Variants in ELF5 observed in about 807,000 individuals in gnomAD.
ELF5 encodes the protein ETS-related transcription factor Elf-5.
ELF5 carries 31 observed loss-of-function variants against 38.2 expected under a neutral mutation model. That is an observed-to-expected ratio of 0.81 (90% CI 0.61 to 1.10). The LOEUF is 1.10. Among genes scored for constraint, ELF5 ranks in the 50% least tolerant of loss-of-function variants. The pLI is 0.00. For synonymous variants in ELF5, 121 were observed against 112.5 expected (o/e 1.08, Z -0.48); for missense variants, 300 against 306.6 (o/e 0.98, Z 0.16).
chr11:34,487,477 T>A (rs1417528422), intron 4 of ELF5, among the ~76,000 whole-genome samples: 2 of 152,204 alleles, frequency 1.3e-5, no homozygotes, highest in Non-Finnish European at 2.9e-5. Flanking sequence ...GGCAGGAGCA[T>A]CCTGGCTAGA....
At chr11:34,496,050 C>CCT (rs149542799) in intron 2 of ELF5, among the ~76,000 whole-genome samples, 21,804 of 152,250 alleles carry the variant, frequency 0.14, 1,689 homozygotes, top group Admixed American at 0.21. Context: ...GCTCTGTTCC[C>CCT]GTTTCCCTCC....
Position 34,505,584 on chromosome 11 carries a change from G to A in ELF5, c.121+45C>T, listed in dbSNP as rs191504373. On this transcript the variant is annotated intron_variant, in intron 2 of 6. Transcript: ENST00000257832. ...GCGGCCAGCACCACCTCCTGCCCTAGCCCATCCTGGCTGCACTCAGATGGG... is the reference window on the plus strand; with the variant it reads ...GCGGCCAGCACCACCTCCTGCCCTAACCCATCCTGGCTGCACTCAGATGGG... 2.2e-4 allele frequency: 355 copies of A among 1,610,282 alleles called. 1 individual carries two copies. The African/African-American group carries it at 4.4e-3, about 20-fold the overall frequency.
At chr11:34,494,810 C>A (rs1179445656) in intron 2 of ELF5, among the ~76,000 whole-genome samples, 1 of 152,142 alleles carries the variant, frequency 6.6e-6, no homozygotes, top group Non-Finnish European at 1.5e-5. Flanking sequence ...GCTTTAGTTT[C>A]CTTACTGGTA....
chr11:34,499,883 G>T (rs1378327102), intron 2 of ELF5, among the ~76,000 whole-genome samples: 1 of 152,184 alleles, frequency 6.6e-6, no homozygotes, highest in East Asian at 1.9e-4. Context: ...CAATGGATTA[G>T]CTGTGCAACT....
intron 1 of ELF5, among the ~76,000 whole-genome samples, chr11:34,506,800 C>G (rs969512971): frequency 2.0e-5 from 3 of 151,928 alleles, no homozygotes; most frequent in African/African-American, 7.3e-5. Flanking sequence ...AGGTGTGAGC[C>G]ACAGAAACTG....
intron 1 of ELF5, among the ~76,000 whole-genome samples, chr11:34,508,332 G>T (rs1220505129): frequency 6.6e-6 from 1 of 151,922 alleles, no homozygotes; most frequent in Non-Finnish European, 1.5e-5. Context: ...TGAAACCCCC[G>T]TCTCTACTAA....
chr11:34,494,384 T>A (rs899884484), intron 2 of ELF5, among the ~76,000 whole-genome samples: 15 of 152,222 alleles, frequency 9.9e-5, no homozygotes, highest in African/African-American at 3.4e-4. Context: ...CCTTGGGTTA[T>A]TAGACATTGC....
At chr11:34,492,517 C>T (rs1233309094) in intron 3 of ELF5, 1 of 152,186 alleles carries the variant, frequency 6.6e-6, no homozygotes, top group Non-Finnish European at 1.5e-5. Flanking sequence ...TAAAAAGATC[C>T]TTCTTAAAAC....
At chr11:34,491,658 C>G (rs1850175129) in intron 3 of ELF5, 1 of 150,860 alleles carries the variant, frequency 6.6e-6, no homozygotes, top group Non-Finnish European at 1.5e-5. Flanking sequence ...TCACTTGCAA[C>G]CTCCACCTCC....
chr11:34,498,886 G>A (rs552996891), intron 2 of ELF5, among the ~76,000 whole-genome samples: 1 of 152,272 alleles, frequency 6.6e-6, no homozygotes, highest in Non-Finnish European at 1.5e-5. Context: ...GAGGTCAGGA[G>A]TTCAAGACCA....
At position 34,513,093 on chromosome 11, in the gene ELF5, G is replaced by T. The variant is rs192035657; in HGVS notation, c.-5+584C>A. ...CACTGCAGAGTCTGACAAGGCCTGA[G>T]AACACAGTGGAAAAACGCTAACCAT... On this transcript the variant is annotated intron_variant, in intron 1 of 6. Transcript: ENST00000257832. 6.1e-4 allele frequency among the ~76,000 whole-genome samples: 93 copies of T among 152,324 alleles called. 1 individual carries two copies. The South Asian group carries it at 6.4e-3, about 11-fold the overall frequency.
In ELF5 at chr11:34,508,481, C is replaced by T. The variant is rs186202976; in HGVS notation, c.-4-2728G>A. ...TTGTGCCACTGCACTCCAGCCTGGG[C>T]GACAGAGCAAGACTATGTCTCACAA... On this transcript the variant is annotated intron_variant, in intron 1 of 6. Coordinates refer to ENST00000257832, the MANE Select transcript of ELF5 (RefSeq NM_001422.4). Among the ~76,000 whole-genome samples, 320 of 149,698 alleles carry T rather than the reference C, an allele frequency of 2.1e-3. 1 individual carries two copies. Among genetic ancestry groups the T allele is most frequent in the African/African-American group, 7.6e-3 (310 of 40,606 alleles).
chr11:34,484,812 A>G (rs1190573424), intron 4 of ELF5, among the ~76,000 whole-genome samples: 3 of 152,106 alleles, frequency 2.0e-5, no homozygotes, highest in South Asian at 2.1e-4. Context: ...CCTTAGGTCA[A>G]ATGGTTCCAT....
In ELF5 at chr11:34,485,450, C is replaced by A. The variant is rs539629644; in HGVS notation, c.407-2951G>T. ...TAGGAGAAGAGAAAACAAATGGAGT[C>A]ATAAACAAAGGTGAATTATTAAGTG... On this transcript the variant is annotated intron_variant, in intron 4 of 6. Transcript: ENST00000257832. Among the ~76,000 whole-genome samples the A allele has an allele frequency of 7.9e-4, 120 of 152,284 alleles. 1 individual carries two copies. The highest frequency in any genetic ancestry group is 2.8e-3 in the African/African-American group (117 of 41,556).
chr11:34,480,306 T>C lies in ELF5; in HGVS notation c.680A>G (p.Tyr227Cys). 1.2e-6 allele frequency: 2 copies of C among 1,613,830 alleles called. No homozygotes were observed. The highest frequency in any genetic ancestry group is 1.7e-6 in the Non-Finnish European group (2 of 1,179,952). Reference sequence around the variant, plus strand: ...AACCCGCTCCAAAATTCCTGTTTTATAGTAGTATCTGAAAAAGCAAGCAGA... The same window carrying C: ...AACCCGCTCCAAAATTCCTGTTTTACAGTAGTATCTGAAAAAGCAAGCAGA... Reference protein sequence around the residue: ...EKLSRALRYYYKTGILERVDR... With the variant: ...EKLSRALRYYCKTGILERVDR... Residue 227 changes from tyrosine to cysteine, a missense_variant, in exon 7 of 7, where the codon TAT becomes TGT. Tyr to Cys is a radical substitution (Grantham distance 194). Transcript: ENST00000257832.
chr11:34,498,483 T>C (rs1850371185), intron 2 of ELF5, among the ~76,000 whole-genome samples: 1 of 152,236 alleles, frequency 6.6e-6, no homozygotes, highest in South Asian at 2.1e-4. Flanking sequence ...TGTCTTTGCA[T>C]TGCCAGCCTG....
rs534656497 is a variant in ELF5, at chr11:34,507,443, T to A, written c.-4-1690A>T. On this transcript the variant is annotated intron_variant, in intron 1 of 6. Coordinates refer to ENST00000257832, the MANE Select transcript of ELF5 (RefSeq NM_001422.4). The stretch of plus-strand genomic sequence containing the variant: ...AAAGCCAGCGAAGCTGGGTGGTGGC[T>A]CAGGTGTGTCTGTTTAAAAAGCCCA... Among the ~76,000 whole-genome samples the A allele has an allele frequency of 2.0e-5, 3 of 152,364 alleles. No individual in the cohort carries two copies. The South Asian group carries it at 6.2e-4, about 32-fold the overall frequency.
chr11:34,484,641 T>A (rs1227875845), intron 4 of ELF5, among the ~76,000 whole-genome samples: 1 of 152,110 alleles, frequency 6.6e-6, no homozygotes, highest in Admixed American at 6.6e-5. Context: ...GGGTGACCTC[T>A]CTCAGTGCCA....
intron 1 of ELF5, among the ~76,000 whole-genome samples, chr11:34,512,418 G>T (rs550960650): frequency 4.6e-4 from 70 of 152,218 alleles, no homozygotes; most frequent in Non-Finnish European, 8.5e-4. Context: ...ACCAGTTTTG[G>T]ATTACATATA....
Sources: allele counts gnomAD v4.1 joint callset (sites outside exome capture counted in the v4.1 genomes callset), GRCh38; gene constraint gnomAD v4.1.1; transcripts MANE v1.5; gene names NCBI Gene and HGNC (gene_info 2026-07-23, HGNC 2026-07-21).